The following ADAM9 variants were observed in gnomAD, a reference collection of about 807,000 sequenced individuals.
ADAM9 encodes ADAM metallopeptidase domain 9.
In ADAM9, 54 loss-of-function variants were observed where a neutral mutation model predicts 108.1. The observed-to-expected ratio is 0.50, with a 90% CI of 0.40 to 0.63. The LOEUF (loss-of-function observed/expected upper bound fraction) is 0.63, where lower values mean the gene tolerates loss of function less well. ADAM9 is among the 20% of genes least tolerant of loss of function. ADAM9 has a pLI of 0.00. For missense variants in ADAM9, 830 were observed against 997.7 expected (o/e 0.83, Z 2.26); for synonymous variants, 316 against 336.0 (o/e 0.94, Z 0.65).
chr8:39,045,096 G>GTGTGTGTGCATACACACATA (rs1837615076), intron 12 of ADAM9, among the ~76,000 whole-genome samples: 1 of 15,476 alleles, frequency 6.5e-5, no homozygotes, highest in Non-Finnish European at 1.2e-4. Context: ...ACATACATAT[G>GTGTGTGTGCATACACACATA]TGTGTGTGCA....
intron 2 of ADAM9, among the ~76,000 whole-genome samples, chr8:39,010,537 C>A (rs1053527860): frequency 6.6e-6 from 1 of 152,194 alleles, no homozygotes; most frequent in African/African-American, 2.4e-5. Flanking sequence ...GTAGACACTT[C>A]TGATAATGTT....
At chr8:39,083,181 T>A (rs1839076022) in intron 18 of ADAM9, 108 bp downstream of exon 18, 1 of 816,886 alleles carries the variant, frequency 1.2e-6, no homozygotes, top group Admixed American at 2.1e-5. Context: ...CATTTAATTA[T>A]GTTGATTCAG....
At chr8:39,054,450 T>G in intron 12 of ADAM9, 31 bp from the exon 13 acceptor site, 1 of 1,575,708 alleles carries the variant, frequency 6.3e-7, no homozygotes, top group Non-Finnish European at 8.7e-7. Flanking sequence ...AATTACTAAT[T>G]TCTTTATTGA....
At chr8:39,047,753 C>T (rs1837819306) in intron 12 of ADAM9, among the ~76,000 whole-genome samples, 1 of 151,636 alleles carries the variant, frequency 6.6e-6, no homozygotes, top group Non-Finnish European at 1.5e-5. Flanking sequence ...GCTGATTTTT[C>T]AATTCTTTTT....
At chr8:39,024,618 G>C (rs1836861441) in intron 9 of ADAM9, among the ~76,000 whole-genome samples, 1 of 152,124 alleles carries the variant, frequency 6.6e-6, no homozygotes, top group Admixed American at 6.5e-5. Flanking sequence ...CTCCTGGCTG[G>C]TCAGATGGCC....
chr8:39,020,796 T>C (rs1014413661), intron 7 of ADAM9, among the ~76,000 whole-genome samples: 1 of 152,150 alleles, frequency 6.6e-6, no homozygotes, highest in Admixed American at 6.5e-5. Context: ...CTTCTTCCAC[T>C]ATGTGGCTGC....
At position 39,009,900 on chromosome 8, in the gene ADAM9, G is replaced by C. The variant is rs1196806418; in HGVS notation, c.196-1758G>C. 3.2e-5 allele frequency among the ~76,000 whole-genome samples: 3 copies of C among 93,104 alleles called. No homozygotes were observed. In the Admixed American group the frequency reaches 3.9e-4, roughly 12 times the overall value. The allele number at this position is 93,104 out of a possible 152,430, so 61.1% of individuals were successfully genotyped here. A position where few individuals can be genotyped will look rare whatever the true frequency, so the allele number is the denominator to read the frequency against. ...TGGAGCTTGCATTCTAGTGATGGGG[G>C]GGGGGGGCAGGGAGAGAGAGAGAGA... On this transcript the variant is annotated intron_variant, in intron 2 of 21. Coordinates refer to ENST00000487273, the MANE Select transcript of ADAM9 (RefSeq NM_003816.3).
intron 12 of ADAM9, among the ~76,000 whole-genome samples, chr8:39,051,906 G>T (rs148324044): frequency 8.4e-4 from 128 of 151,920 alleles, no homozygotes; most frequent in African/African-American, 3.0e-3. Context: ...ATACATCCTT[G>T]TACACACCTC....
chr8:39,025,002 A>T (rs1028076984), intron 9 of ADAM9, among the ~76,000 whole-genome samples: 5 of 152,158 alleles, frequency 3.3e-5, no homozygotes, highest in African/African-American at 1.2e-4. Context: ...TATTAATATT[A>T]GGGAAGAGAG....
intron 1 of ADAM9, 28 bp downstream of exon 1, chr8:38,997,188 G>T: frequency 6.3e-7 from 1 of 1,588,514 alleles, no homozygotes; most frequent in South Asian, 1.1e-5. Context: ...GGGTCGGTTG[G>T]GACGGCTGCT....
chr8:39,045,470 G>A (rs992323538), intron 12 of ADAM9, among the ~76,000 whole-genome samples: 14 of 149,060 alleles, frequency 9.4e-5, no homozygotes, highest in African/African-American at 2.8e-4. Context: ...GTGCGTGTGT[G>A]TACACACACC....
chr8:39,064,545 C>T (rs973249641), intron 14 of ADAM9, among the ~76,000 whole-genome samples: 3 of 152,150 alleles, frequency 2.0e-5, no homozygotes, highest in Non-Finnish European at 2.9e-5. Flanking sequence ...GGTTTAGTTC[C>T]AGTCCAGATT....
intron 18 of ADAM9, among the ~76,000 whole-genome samples, chr8:39,087,436 C>T (rs1465519929): frequency 1.3e-5 from 2 of 152,184 alleles, no homozygotes; most frequent in Non-Finnish European, 2.9e-5. Context: ...TCATTTCATC[C>T]AGTGGATGTG....
intron 1 of ADAM9, among the ~76,000 whole-genome samples, chr8:38,999,973 G>A (rs189208739): frequency 3.9e-5 from 6 of 152,176 alleles, no homozygotes; most frequent in Admixed American, 6.5e-5. Flanking sequence ...CAGCGCTATG[G>A]AACTGCCTCA....
chr8:39,079,138 G>A (rs545337955), intron 16 of ADAM9, among the ~76,000 whole-genome samples: 2 of 152,164 alleles, frequency 1.3e-5, no homozygotes, highest in East Asian at 1.9e-4. Context: ...GCCCTACACA[G>A]TTAAACTTAC....
intron 3 of ADAM9, among the ~76,000 whole-genome samples, chr8:39,012,136 G>A (rs188672106): frequency 6.6e-6 from 1 of 152,176 alleles, no homozygotes; most frequent in Admixed American, 6.5e-5. Context: ...AGTCATCAAG[G>A]CATGACCCCC....
intron 12 of ADAM9, among the ~76,000 whole-genome samples, chr8:39,053,501 T>A (rs1269518684): frequency 6.6e-6 from 1 of 152,214 alleles, no homozygotes; most frequent in African/African-American, 2.4e-5. Flanking sequence ...AAGATGTACA[T>A]TAAAGTTCAT....
chr8:39,063,454 G>A (rs1838358375), intron 14 of ADAM9, among the ~76,000 whole-genome samples: 1 of 152,238 alleles, frequency 6.6e-6, no homozygotes, highest in Non-Finnish European at 1.5e-5. Flanking sequence ...TAGAGGCTCA[G>A]CCAGGCGCCT....
chr8:39,103,173 A>G (rs1187055971), intron 21 of ADAM9, among the ~76,000 whole-genome samples: 2 of 152,178 alleles, frequency 1.3e-5, no homozygotes, highest in African/African-American at 4.8e-5. Flanking sequence ...AGAAGTCATA[A>G]CACTTTTAAT....
Sources: allele counts gnomAD v4.1 joint callset (sites outside exome capture counted in the v4.1 genomes callset), GRCh38; gene constraint gnomAD v4.1.1; transcripts MANE v1.5; gene names NCBI Gene and HGNC (gene_info 2026-07-23, HGNC 2026-07-21).